SSU72: variants seen among roughly 807,000 people sequenced by gnomAD.
SSU72 encodes RNA polymerase II subunit A C-terminal domain phosphatase SSU72.
Under a neutral mutation model 22.7 loss-of-function variants are expected in SSU72, and 12 were observed. That is an observed-to-expected ratio of 0.53 (90% CI 0.34 to 0.86). SSU72 has a LOEUF of 0.86. Ranked by LOEUF, SSU72 falls within the 40% of genes least tolerant of loss-of-function variation. The pLI is 0.02. For synonymous variants in SSU72, 116 were observed against 98.3 expected (o/e 1.18, Z -1.06); for missense variants, 151 against 249.8 (o/e 0.60, Z 2.67).
intron 3 of SSU72, among the ~76,000 whole-genome samples, chr1:1,544,263 T>C (rs750321372): frequency 9.9e-5 from 15 of 152,144 alleles, no homozygotes; most frequent in Non-Finnish European, 2.9e-5. Flanking sequence ...ATTGCGACCC[T>C]TCCCCGTCAC....
intron 2 of SSU72, among the ~76,000 whole-genome samples, chr1:1,552,549 G>A (rs1642466560): frequency 1.3e-5 from 2 of 150,414 alleles, no homozygotes; most frequent in African/African-American, 5.0e-5. Flanking sequence ...CCAGCTCAGA[G>A]CCTGAGCTCC....
chr1:1,573,921 G>A (rs953521204), intron 1 of SSU72, among the ~76,000 whole-genome samples: 6 of 151,876 alleles, frequency 4.0e-5, no homozygotes, highest in Admixed American at 3.3e-4. Flanking sequence ...CAGGCGGCCA[G>A]TTAGCAGGGA....
At position 1,564,854 on chromosome 1, in the gene SSU72, G is replaced by C; in HGVS notation, c.143C>G (p.Ala48Gly). 6.2e-7 allele frequency: 1 copy of C among 1,614,156 alleles called. No homozygotes were observed. The highest frequency in any genetic ancestry group is 1.1e-5 in the South Asian group (1 of 91,084). The stretch of plus-strand genomic sequence containing the variant: ...ATCATAAACATTGGGCTTGTCGGGA[G>C]CTGGTCCTGGAAGCTTCACGTGAGT... Reference protein sequence around the residue: ...TGTHVKLPGPAPDKPNVYDFK... With the variant: ...TGTHVKLPGPGPDKPNVYDFK... Residue 48 changes from alanine to glycine, a missense_variant, in exon 2 of 5, where the codon GCT (alanine) becomes GGT (glycine). Coordinates refer to ENST00000291386, the MANE Select transcript of SSU72 (RefSeq NM_014188.3).
intron 2 of SSU72, among the ~76,000 whole-genome samples, chr1:1,553,708 G>A (rs991731604): frequency 1.3e-5 from 2 of 151,282 alleles, no homozygotes; most frequent in African/African-American, 4.9e-5. Context: ...GGAGAATGGT[G>A]TGAACCCGGG....
At chr1:1,566,746 C>A (rs1357790139) in intron 1 of SSU72, among the ~76,000 whole-genome samples, 1 of 151,572 alleles carries the variant, frequency 6.6e-6, no homozygotes, top group Non-Finnish European at 1.5e-5. Flanking sequence ...CCCAGCTACT[C>A]GGGAGGCTGA....
At position 1,574,391 on chromosome 1, in the gene SSU72, G is replaced by A. The variant is rs557358796; in HGVS notation, c.80+87C>T. ...GGCCCGGCCCGGCTTCCTCTCAGGG[G>A]TCCTGGCGCGGGCCAGGGGGAACCG... On this transcript the variant is annotated intron_variant, in intron 1 of 4. Transcript: ENST00000291386. 118 of 1,415,720 alleles carry A rather than the reference G, an allele frequency of 8.3e-5. No homozygotes were observed. In the African/African-American group the frequency reaches 1.4e-3, roughly 17 times the overall value. 87.7% of individuals were successfully genotyped at this position (1,415,720 alleles called of 1,614,324 possible). A position where few individuals can be genotyped will look rare whatever the true frequency, so the allele number is the denominator to read the frequency against.
At chr1:1,543,398 C>T (rs916111548) in intron 4 of SSU72, among the ~76,000 whole-genome samples, 13 of 152,340 alleles carry the variant, frequency 8.5e-5, no homozygotes, top group African/African-American at 3.1e-4. Context: ...TCCCTGGAGC[C>T]GTGTCCTGGG....
intron 2 of SSU72, among the ~76,000 whole-genome samples, chr1:1,549,448 A>G (rs940893060): frequency 4.6e-5 from 7 of 150,942 alleles, no homozygotes; most frequent in South Asian, 2.1e-4. Context: ...GTGAACCCGG[A>G]GGCGGAGCTT....
chr1:1,567,151 C>T (rs1025476681), intron 1 of SSU72, among the ~76,000 whole-genome samples: 2 of 152,334 alleles, frequency 1.3e-5, no homozygotes, highest in African/African-American at 2.4e-5. Context: ...ACAGGCCATG[C>T]GGCTCCACGC....
chr1:1,554,432 T>C lies in SSU72; in HGVS notation c.225-9430A>G, dbSNP rs887811649. Among the ~76,000 whole-genome samples the C allele has an allele frequency of 6.6e-6, 1 of 152,126 alleles. No individual in the cohort carries two copies. Among genetic ancestry groups the C allele is most frequent in the African/African-American group, 2.4e-5 (1 of 41,438 alleles). On this transcript the variant is annotated intron_variant, in intron 2 of 4. Coordinates refer to ENST00000291386, the MANE Select transcript of SSU72 (RefSeq NM_014188.3). This position sits in a 1 kb window ranked among gnomAD's most constrained non-coding sequence, Gnocchi z 4.1. The stretch of plus-strand genomic sequence containing the variant: ...AGCCCTCGCTGACCACCCACACCCA[T>C]TTGATGTGGTTGCTCTCAGGATAAA...
At chr1:1,545,318 T>C (rs1570380316) in intron 2 of SSU72, 1 of 296,496 alleles carries the variant, frequency 3.4e-6, no homozygotes, top group Non-Finnish European at 6.1e-6. Context: ...CTCCCCTCAC[T>C]GCTGGCCCGG....
At chr1:1,543,004 G>A (rs962193250) in intron 4 of SSU72, among the ~76,000 whole-genome samples, 37 of 152,248 alleles carry the variant, frequency 2.4e-4, no homozygotes, top group African/African-American at 8.4e-4. Context: ...TTCTTTCTTG[G>A]TGAAGCTGTT....
At chr1:1,564,385 G>C in intron 2 of SSU72, 2 of 1,279,972 alleles carry the variant, frequency 1.6e-6, no homozygotes, top group African/African-American at 3.0e-5. Flanking sequence ...ATGTGTATCA[G>C]GCACGCACGC....
chr1:1,566,628 A>G (rs578115827), intron 1 of SSU72, among the ~76,000 whole-genome samples: 4 of 152,196 alleles, frequency 2.6e-5, no homozygotes, highest in East Asian at 1.9e-4. Flanking sequence ...CGAGGTGGGC[A>G]GATCATGAGG....
chr1:1,567,424 C>T (rs917578102), intron 1 of SSU72, among the ~76,000 whole-genome samples: 4 of 152,160 alleles, frequency 2.6e-5, no homozygotes, highest in Admixed American at 6.6e-5. Flanking sequence ...CCCGTGTTCA[C>T]GGCACCCGGA....
chr1:1,557,937 G>A (rs953698681), intron 2 of SSU72, among the ~76,000 whole-genome samples: 1 of 152,104 alleles, frequency 6.6e-6, no homozygotes, highest in African/African-American at 2.4e-5. Context: ...CAGGCCAGGT[G>A]CAGTGGCAAC....
rs921850045 is a variant in SSU72, at chr1:1,574,626, C to T, written c.-69G>A. 1.1e-5 allele frequency: 16 copies of T among 1,465,248 alleles called. No homozygotes were observed. In the African/African-American group the frequency reaches 1.5e-4, roughly 14 times the overall value. The allele number at this position is 1,465,248 out of a possible 1,614,324, so 90.8% of individuals were successfully genotyped here. A position where few individuals can be genotyped will look rare whatever the true frequency, so the allele number is the denominator to read the frequency against. ...CCCTACCGCGGCGCTTCCGCGCGAA[C>T]AAAATGGCGGCCGCGGTGGCCGGAA... On this transcript the variant is annotated 5_prime_UTR_variant, in exon 1 of 5. Coordinates refer to ENST00000291386, the MANE Select transcript of SSU72 (RefSeq NM_014188.3).
At chr1:1,567,769 T>C (rs1642679083) in intron 1 of SSU72, among the ~76,000 whole-genome samples, 1 of 151,562 alleles carries the variant, frequency 6.6e-6, no homozygotes, top group Non-Finnish European at 1.5e-5. Flanking sequence ...ATACAAAAAT[T>C]AGTCATGGTG....
intron 2 of SSU72, among the ~76,000 whole-genome samples, chr1:1,557,337 T>C (rs534971087): frequency 1.4e-3 from 202 of 149,284 alleles, no homozygotes; most frequent in Non-Finnish European, 2.4e-3. Flanking sequence ...CGTTTGAACC[T>C]GGGAGGCGGA....
Sources: gnomAD v4.1 joint callset for allele counts (sites outside exome capture counted in the v4.1 genomes callset) on GRCh38, gnomAD v4.1.1 for gene constraint, Gnocchi (gnomAD v3.1) non-coding constraint, MANE v1.5 for transcripts, NCBI Gene and HGNC (gene_info 2026-07-23, HGNC 2026-07-21) for gene names.